The following PDXDC1 variants were observed in gnomAD, a reference collection of about 807,000 sequenced individuals.
PDXDC1 encodes the protein pyridoxal-dependent decarboxylase domain-containing protein 1.
Under a neutral mutation model 100.1 loss-of-function variants are expected in PDXDC1, and 42 were observed. That is an observed-to-expected ratio of 0.42 (90% CI 0.33 to 0.54). PDXDC1 has a LOEUF of 0.54. Ranked by LOEUF, PDXDC1 falls within the 20% of genes least tolerant of loss-of-function variation. The pLI is 0.10. For missense variants in PDXDC1, 636 were observed against 979.2 expected (o/e 0.65, Z 4.68); for synonymous variants, 260 against 371.7 (o/e 0.70, Z 3.46).
intron 16 of PDXDC1, among the ~76,000 whole-genome samples, chr16:15,075,531 C>A (rs1462118264): frequency 6.6e-6 from 1 of 150,798 alleles, no homozygotes; most frequent in Non-Finnish European, 1.5e-5. Flanking sequence ...AGATCACACA[C>A]TGCCACACTC....
At chr16:15,067,269 T>C (rs1231253335) in intron 16 of PDXDC1, among the ~76,000 whole-genome samples, 1 of 150,802 alleles carries the variant, frequency 6.6e-6, no homozygotes, top group Non-Finnish European at 1.5e-5. Context: ...AATATTCAAT[T>C]CTCCAATTCG....
At chr16:15,045,123 CAA>C (rs71150202) in intron 16 of PDXDC1, 17 of 98,694 alleles carry the variant, frequency 1.7e-4, no homozygotes, top group Admixed American at 2.2e-4. Flanking sequence ...GACTCTATCT[CAA>C]AAAAAAAAAA....
At chr16:15,005,333 A>G (rs1225101158) in intron 5 of PDXDC1, among the ~76,000 whole-genome samples, 1 of 150,674 alleles carries the variant, frequency 6.6e-6, no homozygotes, top group Non-Finnish European at 1.5e-5. Flanking sequence ...AAACTCTGTC[A>G]TAAGGAAGAT....
intron 16 of PDXDC1, among the ~76,000 whole-genome samples, chr16:15,082,194 A>C (rs553460777): frequency 6.6e-6 from 1 of 152,338 alleles, no homozygotes; most frequent in African/African-American, 2.4e-5. Flanking sequence ...TCTTTCACCA[A>C]TGAATATGAT....
intron 1 of PDXDC1, 24 bp downstream of exon 1, chr16:14,975,244 G>C (rs1373140477): frequency 7.1e-7 from 1 of 1,411,986 alleles, no homozygotes; most frequent in African/African-American, 1.5e-5. Flanking sequence ...GGGGGCGATG[G>C]GGACGGTGCT....
the PDXDC1 span, among the ~76,000 whole-genome samples, chr16:15,148,768 C>A: frequency 2.0e-5 from 3 of 152,040 alleles, no homozygotes; most frequent in African/African-American, 7.3e-5. Flanking sequence ...GGATGACCTG[C>A]AGGTGCTCTC....
chr16:15,131,097 C>A (rs549584081), intron 16 of PDXDC1: 1 of 1,607,208 alleles, frequency 6.2e-7, no homozygotes, highest in Admixed American at 1.7e-5. Flanking sequence ...CGTCCAGCAG[C>A]GTATAGTTGA....
At chr16:15,040,050 AGTCTTAATGTT>A, downstream of PDXDC1, 1 of 1,605,836 alleles carries the variant, frequency 6.2e-7, no homozygotes. Context: ...AAATCTCTGC[AGTCTTAATGTT>A]GACAGCTGTG....
At chr16:15,143,386 C>T (rs993600499), downstream of PDXDC1, among the ~76,000 whole-genome samples, 3 of 152,228 alleles carry the variant, frequency 2.0e-5, no homozygotes, top group Admixed American at 2.0e-4. Context: ...GGGCCACGTC[C>T]CAGGGCTGTG....
chr16:15,090,926 T>G (rs1025253564), intron 16 of PDXDC1, among the ~76,000 whole-genome samples: 1 of 150,766 alleles, frequency 6.6e-6, no homozygotes, highest in African/African-American at 2.4e-5. Flanking sequence ...GAGAGTTGCA[T>G]GCAGCATGGA....
At chr16:15,096,610 C>T (rs1379949588) in intron 16 of PDXDC1, among the ~76,000 whole-genome samples, 1 of 152,260 alleles carries the variant, frequency 6.6e-6, no homozygotes, top group East Asian at 1.9e-4. Flanking sequence ...AGAATCTCTT[C>T]TTCACTTCCA....
chr16:15,124,561 T>G (rs912030436), intron 16 of PDXDC1, among the ~76,000 whole-genome samples: 1 of 148,882 alleles, frequency 6.7e-6, no homozygotes, highest in Non-Finnish European at 1.5e-5. Context: ...GATCACAAGG[T>G]CAGGAGTTCC....
intron 16 of PDXDC1, chr16:15,070,325 C>T (rs547182358): frequency 3.0e-5 from 47 of 1,548,010 alleles, no homozygotes; most frequent in African/African-American, 1.1e-4. Flanking sequence ...AAACACACAA[C>T]TGCCTTTCAT....
downstream of PDXDC1, chr16:15,038,728 A>AC (rs1417715380): frequency 8.6e-7 from 1 of 1,159,734 alleles, no homozygotes; most frequent in Non-Finnish European, 1.3e-6. Flanking sequence ...CAGGAATGTC[A>AC]CCCACTTTTC....
chr16:15,148,363 T>A, the PDXDC1 span, among the ~76,000 whole-genome samples: 1 of 142,838 alleles, frequency 7.0e-6, no homozygotes, highest in African/African-American at 2.6e-5. Flanking sequence ...TCTGTTCAGA[T>A]CCTGTGATTT....
At chr16:15,091,895 T>C (rs949683496) in intron 16 of PDXDC1, among the ~76,000 whole-genome samples, 4 of 152,158 alleles carry the variant, frequency 2.6e-5, no homozygotes, top group African/African-American at 9.7e-5. Flanking sequence ...TAAAATGCTG[T>C]AGGCCAGGCA....
chr16:15,101,339 C>T (rs964301026), intron 16 of PDXDC1, among the ~76,000 whole-genome samples: 10 of 152,142 alleles, frequency 6.6e-5, no homozygotes, highest in Admixed American at 2.6e-4. Flanking sequence ...TTTTTTGAGA[C>T]GGAGTCTCGC....
chr16:14,978,379 T>A (rs1295471514), intron 1 of PDXDC1, among the ~76,000 whole-genome samples: 1 of 152,294 alleles, frequency 6.6e-6, no homozygotes, highest in Non-Finnish European at 1.5e-5. Flanking sequence ...CACCTTCCAG[T>A]AAAAACCTGT....
intron 1 of PDXDC1, among the ~76,000 whole-genome samples, chr16:14,978,091 G>A (rs371740663): frequency 1.9e-4 from 28 of 150,882 alleles, no homozygotes; most frequent in East Asian, 6.0e-4. Context: ...CCATTTTCTC[G>A]TCACGATTTG....
Sources: allele counts gnomAD v4.1 joint callset (sites outside exome capture counted in the v4.1 genomes callset), GRCh38; gene constraint gnomAD v4.1.1; transcripts MANE v1.5; gene names NCBI Gene and HGNC (gene_info 2026-07-23, HGNC 2026-07-21).